Variants in CTNNA2 observed in about 807,000 individuals in gnomAD.
CTNNA2 encodes catenin alpha-2.
Under a neutral mutation model 101.0 loss-of-function variants are expected in CTNNA2, and 42 were observed. The observed-to-expected ratio is 0.42, with a 90% CI of 0.32 to 0.54. The LOEUF (loss-of-function observed/expected upper bound fraction) is 0.54. Among genes scored for constraint, CTNNA2 ranks in the 20% least tolerant of loss-of-function variants. CTNNA2 has a pLI of 0.14. For missense variants in CTNNA2, 871 were observed against 1,223.1 expected, an observed-to-expected ratio of 0.71 and a Z score of 4.29; for synonymous variants, 450 against 456.4, an observed-to-expected ratio of 0.99 and a Z score of 0.18.
intron 2 of CTNNA2, among the ~76,000 whole-genome samples, chr2:79,276,297 C>T (rs902257326): frequency 2.0e-5 from 3 of 152,040 alleles, no homozygotes; most frequent in Admixed American, 1.3e-4. Flanking sequence ...TCCCCTTAGT[C>T]TGTTTGAGCT....
At position 80,500,126 on chromosome 2, in the gene CTNNA2, T is replaced by C. The variant is rs143775823; in HGVS notation, c.1291-44856T>C. ...AAGCGTGTGCTTACAAATCATAGCATTTAGCCATATTATGCAGCCCAGAAG... is the reference window on the plus strand; with the variant it reads ...AAGCGTGTGCTTACAAATCATAGCACTTAGCCATATTATGCAGCCCAGAAG... On this transcript the variant is annotated intron_variant, in intron 9 of 18. Transcript: ENST00000402739. Among the ~76,000 whole-genome samples the C allele has an allele frequency of 7.2e-5, 11 of 152,256 alleles. No homozygotes were observed. In the East Asian group the frequency reaches 1.5e-3, roughly 21 times the overall value.
chr2:80,512,490 G>C (rs1397883714), intron 9 of CTNNA2, among the ~76,000 whole-genome samples: 1 of 152,084 alleles, frequency 6.6e-6, no homozygotes, highest in African/African-American at 2.4e-5. Context: ...GAGAAAATGG[G>C]ATGGGCCTTC....
At chr2:79,666,954 T>C (rs2104560288) in intron 2 of CTNNA2, among the ~76,000 whole-genome samples, 1 of 152,242 alleles carries the variant, frequency 6.6e-6, no homozygotes, top group African/African-American at 2.4e-5. Context: ...GGCCAAGACC[T>C]TGGCTTCTAA....
In CTNNA2 at chr2:80,175,295, G is replaced by A. The variant is rs556291669; in HGVS notation, c.1057-217916G>A. On this transcript the variant is annotated intron_variant, in intron 7 of 18. Transcript: ENST00000402739. ...CCTTAGGAACTGCTTCTCCCTGATA[G>A]CACTTTTCAGAGTCAAATGTTATAT... 2.2e-4 allele frequency among the ~76,000 whole-genome samples: 33 copies of A among 152,264 alleles called. No individual in the cohort carries two copies. The South Asian group carries it at 6.6e-3, about 31-fold the overall frequency.
chr2:80,562,860 A>G lies in CTNNA2; in HGVS notation c.1741+6967A>G, dbSNP rs563328199. Among the ~76,000 whole-genome samples, 20 of 152,306 alleles carry G rather than the reference A, an allele frequency of 1.3e-4. 2 individuals carry two copies. The South Asian group carries it at 3.7e-3, about 28-fold the overall frequency. On this transcript the variant is annotated intron_variant, in intron 12 of 18. Transcript: ENST00000402739. ...CATTTATTTTCAAAAAAGGTAAATT[A>G]TATAACACAGGAAGAGAAAGTAAGA... is the stretch of plus-strand genomic sequence containing the variant.
intron 3 of CTNNA2, among the ~76,000 whole-genome samples, chr2:79,827,040 T>TG (rs1189112529): frequency 6.6e-6 from 1 of 152,092 alleles, no homozygotes; most frequent in African/African-American, 2.4e-5. Flanking sequence ...CTGTAATTTT[T>TG]TTTTGTTTTG....
intron 7 of CTNNA2, among the ~76,000 whole-genome samples, chr2:80,392,788 G>A (rs1368634392): frequency 6.6e-6 from 1 of 152,148 alleles, no homozygotes; most frequent in African/African-American, 2.4e-5. Flanking sequence ...CCGAATTCTG[G>A]TGATTTACTT....
At chr2:80,511,978 C>G (rs535972140) in intron 9 of CTNNA2, among the ~76,000 whole-genome samples, 8 of 151,690 alleles carry the variant, frequency 5.3e-5, no homozygotes, top group Non-Finnish European at 1.0e-4. Flanking sequence ...TGGTGAACCC[C>G]GTCTCTACTA....
chr2:79,208,463 C>T (rs550270546), intron 2 of CTNNA2, among the ~76,000 whole-genome samples: 2 of 152,052 alleles, frequency 1.3e-5, no homozygotes, highest in Non-Finnish European at 2.9e-5. Flanking sequence ...GGGGGATATC[C>T]GGTTTGAAAC....
At chr2:79,506,376 A>G (rs1216841952) in intron 5 of CTNNA2, among the ~76,000 whole-genome samples, 1 of 152,188 alleles carries the variant, frequency 6.6e-6, no homozygotes, top group Non-Finnish European at 1.5e-5. Flanking sequence ...TGACTTATAC[A>G]AAGGAATTGT....
chr2:80,484,791 G>A (rs1442908482), intron 9 of CTNNA2, among the ~76,000 whole-genome samples: 2 of 152,136 alleles, frequency 1.3e-5, no homozygotes. Flanking sequence ...CGGATCACTA[G>A]GTCCGGAGAT....
chr2:80,047,072 G>C (rs75419762), intron 7 of CTNNA2, among the ~76,000 whole-genome samples: 1 of 152,076 alleles, frequency 6.6e-6, no homozygotes, highest in Non-Finnish European at 1.5e-5. Flanking sequence ...GATGTCCCCT[G>C]GGGTAAAATC....
intron 2 of CTNNA2, among the ~76,000 whole-genome samples, chr2:79,251,808 C>T (rs1674775127): frequency 6.6e-6 from 1 of 152,080 alleles, no homozygotes; most frequent in African/African-American, 2.4e-5. Context: ...GCCAGTGGAC[C>T]CACCTAAGCC....
At chr2:80,451,485 G>A (rs767370223) in intron 9 of CTNNA2, among the ~76,000 whole-genome samples, 16 of 152,144 alleles carry the variant, frequency 1.1e-4, no homozygotes, top group Non-Finnish European at 1.8e-4. Flanking sequence ...ATCTCAAGGA[G>A]TTCTTTATAG....
intron 3 of CTNNA2, among the ~76,000 whole-genome samples, chr2:79,353,535 T>C (rs762890870): frequency 9.9e-5 from 15 of 152,158 alleles, no homozygotes; most frequent in Non-Finnish European, 2.1e-4. Flanking sequence ...CTTTCTCTGT[T>C]CCTTTACTTT....
chr2:80,461,841 C>T (rs140772649), intron 9 of CTNNA2, among the ~76,000 whole-genome samples: 1 of 152,154 alleles, frequency 6.6e-6, no homozygotes, highest in African/African-American at 2.4e-5. Context: ...TGATATTTTC[C>T]ACTTTTGTGG....
At chr2:79,324,514 A>C (rs901997935) in intron 3 of CTNNA2, among the ~76,000 whole-genome samples, 3 of 152,212 alleles carry the variant, frequency 2.0e-5, no homozygotes, top group African/African-American at 7.2e-5. Flanking sequence ...CCAGTACTTC[A>C]AAACAGGCTA....
At chr2:80,230,739 C>T (rs1709162450) in intron 7 of CTNNA2, among the ~76,000 whole-genome samples, 1 of 152,100 alleles carries the variant, frequency 6.6e-6, no homozygotes, top group South Asian at 2.1e-4. Context: ...AGATGAAGCT[C>T]ACATAAGGAA....
chr2:79,278,028 T>C (rs1310915704), intron 2 of CTNNA2, among the ~76,000 whole-genome samples: 1 of 152,110 alleles, frequency 6.6e-6, no homozygotes, highest in East Asian at 1.9e-4. Flanking sequence ...AAATTCACCT[T>C]CTACAGCATA....
Sources: allele counts gnomAD v4.1 joint callset (sites outside exome capture counted in the v4.1 genomes callset), GRCh38; gene constraint gnomAD v4.1.1; transcripts MANE v1.5; gene names NCBI Gene and HGNC (gene_info 2026-07-23, HGNC 2026-07-21).